The following SPTLC2 variants were observed in gnomAD, a reference collection of about 807,000 sequenced individuals.
The protein encoded by SPTLC2 is serine palmitoyltransferase 2.
A neutral mutation model predicts 62.0 loss-of-function variants in SPTLC2; 21 were observed. The ratio of observed to expected loss-of-function variants is 0.34; its 90% CI spans 0.24 to 0.49. The LOEUF (loss-of-function observed/expected upper bound fraction) is 0.49, where lower values mean the gene tolerates loss of function less well. Among genes scored for constraint, SPTLC2 ranks in the 20% least tolerant of loss-of-function variants. The pLI is 0.99. For synonymous variants in SPTLC2, 261 were observed against 261.8 expected, an observed-to-expected ratio of 1.00 and a Z score of 0.03; for missense variants, 511 against 713.0, an observed-to-expected ratio of 0.72 and a Z score of 3.23.
At chr14:77,556,534 C>A (rs2079584897) in intron 7 of SPTLC2, among the ~76,000 whole-genome samples, 2 of 152,096 alleles carry the variant, frequency 1.3e-5, no homozygotes, top group African/African-American at 4.8e-5. Context: ...TAAAGGTTAA[C>A]CAAAATAAAA....
chr14:77,578,080 G>C (rs916218897), intron 3 of SPTLC2, among the ~76,000 whole-genome samples: 1 of 152,180 alleles, frequency 6.6e-6, no homozygotes, highest in Non-Finnish European at 1.5e-5. Context: ...GGGAGGTGGA[G>C]GTTGCAGTGG....
At chr14:77,529,698 C>T (rs557444751) in intron 9 of SPTLC2, among the ~76,000 whole-genome samples, 1 of 138,796 alleles carries the variant, frequency 7.2e-6, no homozygotes, top group Non-Finnish European at 1.5e-5. Context: ...TCTTGGCCTA[C>T]TGCAACCTCC....
At chr14:77,527,084 G>A (rs149710948) in intron 9 of SPTLC2, among the ~76,000 whole-genome samples, 3,668 of 142,210 alleles carry the variant, frequency 0.026, 142 homozygotes, top group African/African-American at 0.092. Flanking sequence ...GTGAGCCACT[G>A]CGCCCGGCCT....
intron 10 of SPTLC2, among the ~76,000 whole-genome samples, chr14:77,519,039 A>G (rs900843779): frequency 6.6e-6 from 1 of 152,140 alleles, no homozygotes; most frequent in African/African-American, 2.4e-5. Flanking sequence ...AATTTTGTCT[A>G]CTAAATTATG....
chr14:77,544,864 C>T (rs35647237), intron 9 of SPTLC2, among the ~76,000 whole-genome samples: 33,724 of 152,158 alleles, frequency 0.22, 4,453 homozygotes, highest in East Asian at 0.56. Context: ...GGCCTACCTT[C>T]AACAAGAATG....
intron 9 of SPTLC2, among the ~76,000 whole-genome samples, chr14:77,534,049 T>C (rs1412744388): frequency 6.6e-6 from 1 of 151,968 alleles, no homozygotes; most frequent in Non-Finnish European, 1.5e-5. Context: ...TCCCAACTAC[T>C]TGGGAGGCTG....
At chr14:77,540,939 C>G (rs1054126966) in intron 9 of SPTLC2, among the ~76,000 whole-genome samples, 1 of 152,112 alleles carries the variant, frequency 6.6e-6, no homozygotes, top group Admixed American at 6.5e-5. Flanking sequence ...TTCACAGAAC[C>G]AAAAATATGT....
At chr14:77,597,840 T>C (rs1255783583) in intron 1 of SPTLC2, among the ~76,000 whole-genome samples, 4 of 151,224 alleles carry the variant, frequency 2.6e-5, no homozygotes, top group East Asian at 1.9e-4. Flanking sequence ...AAAAGAATTT[T>C]AGGCCAGGCA....
chr14:77,591,733 T>TG (rs71128652), intron 2 of SPTLC2, among the ~76,000 whole-genome samples: 11 of 151,920 alleles, frequency 7.2e-5, no homozygotes, highest in Non-Finnish European at 1.6e-4. Flanking sequence ...TATGTATGTA[T>TG]TTATTTTTAG....
At chr14:77,616,332 G>A in intron 1 of SPTLC2, 116 bp downstream of exon 1, 1 of 591,212 alleles carries the variant, frequency 1.7e-6, no homozygotes, top group East Asian at 4.8e-5. Flanking sequence ...CCACACCTGC[G>A]AACGGCGCCC....
At chr14:77,578,477 G>A (rs1390047784) in intron 3 of SPTLC2, among the ~76,000 whole-genome samples, 2 of 152,072 alleles carry the variant, frequency 1.3e-5, no homozygotes, top group African/African-American at 4.8e-5. Flanking sequence ...AGCACTTTGG[G>A]AGGCTGAGGG....
chr14:77,526,997 T>C (rs577986194), intron 9 of SPTLC2, among the ~76,000 whole-genome samples: 7 of 152,040 alleles, frequency 4.6e-5, no homozygotes, highest in Non-Finnish European at 7.4e-5. Flanking sequence ...GGTTTCACCA[T>C]GTTAGGCAGG....
At chr14:77,571,298 G>T (rs1342086441) in intron 4 of SPTLC2, among the ~76,000 whole-genome samples, 2 of 152,078 alleles carry the variant, frequency 1.3e-5, no homozygotes, top group Non-Finnish European at 2.9e-5. Flanking sequence ...ATCACCTAAG[G>T]TCAGGAGTTT....
chr14:77,529,379 G>A (rs545137354), intron 9 of SPTLC2, among the ~76,000 whole-genome samples: 5 of 149,676 alleles, frequency 3.3e-5, no homozygotes, highest in Admixed American at 2.0e-4. Flanking sequence ...CTTTGCCTGC[G>A]TTGTGTGTCT....
chr14:77,512,362 C>G lies in SPTLC2; in HGVS notation c.1611G>C (p.Leu537=). The G allele has an allele frequency of 6.8e-6, 11 of 1,614,246 alleles. No homozygotes were observed. The highest frequency in any genetic ancestry group is 9.3e-6 in the Non-Finnish European group (11 of 1,180,046). Residue 537 remains leucine (L), a synonymous_variant, in exon 12 of 12, where the codon CTG becomes CTC. Transcript: ENST00000216484. ...GTACCAACCGATGACGGGAATACTT[C>G]AGCTGCAATAGGTCCCCAACTTCAT... ...EIDEVGDLLQ[L]KYSRHRLVPL...
Position 77,521,441 on chromosome 14 carries a change from C to G in SPTLC2, c.1439+5G>C. ...GACTGGTCTGTGATCTGCAACAAAACGTACCCAATTTTGGCAGGCATGTAG... is the reference window on the plus strand; with the variant it reads ...GACTGGTCTGTGATCTGCAACAAAAGGTACCCAATTTTGGCAGGCATGTAG... On this transcript the variant is annotated splice_donor_5th_base_variant and intron_variant, in intron 10 of 11. Coordinates refer to ENST00000216484, the MANE Select transcript of SPTLC2 (RefSeq NM_004863.4). The G allele has an allele frequency of 6.2e-7, 1 of 1,614,168 alleles. No homozygotes were observed. Among genetic ancestry groups the G allele is most frequent in the South Asian group, 1.1e-5 (1 of 91,086 alleles).
At chr14:77,556,705 T>G (rs2079585901) in intron 7 of SPTLC2, among the ~76,000 whole-genome samples, 1 of 147,274 alleles carries the variant, frequency 6.8e-6, no homozygotes, top group African/African-American at 2.4e-5. Context: ...AATAAAATAT[T>G]TATTAAAATT....
intron 4 of SPTLC2, among the ~76,000 whole-genome samples, chr14:77,575,198 C>A (rs2079707931): frequency 6.6e-6 from 1 of 152,262 alleles, no homozygotes; most frequent in Admixed American, 6.5e-5. Flanking sequence ...CCAGCCTGGG[C>A]AACAGAGACC....
chr14:77,551,977 C>G, intron 9 of SPTLC2, 119 bp downstream of exon 9: 1 of 1,459,846 alleles, frequency 6.9e-7, no homozygotes, highest in Non-Finnish European at 9.3e-7. Context: ...AAACCACACA[C>G]CAGCCAGCTC....
Sources: gnomAD v4.1 joint callset for allele counts (sites outside exome capture counted in the v4.1 genomes callset) on GRCh38, gnomAD v4.1.1 for gene constraint, MANE v1.5 for transcripts, NCBI Gene and HGNC (gene_info 2026-07-23, HGNC 2026-07-21) for gene names.